Variants in PDCD10 observed in about 807,000 individuals in gnomAD.
The protein encoded by PDCD10 is programmed cell death protein 10.
PDCD10 carries 4 observed loss-of-function variants against 29.2 expected under a neutral mutation model. The ratio of observed to expected loss-of-function variants is 0.14; its 90% CI spans 0.07 to 0.31. PDCD10 has a LOEUF of 0.31. Among genes scored for constraint, PDCD10 ranks in the 10% least tolerant of loss-of-function variants. PDCD10 has a pLI of 1.00. For synonymous variants in PDCD10, 70 were observed against 82.2 expected (o/e 0.85, Z 0.80); for missense variants, 183 against 257.9 (o/e 0.71, Z 1.99).
chr3:167,728,934 T>C (rs975933802), intron 2 of PDCD10, among the ~76,000 whole-genome samples: 6 of 152,176 alleles, frequency 3.9e-5, no homozygotes, highest in African/African-American at 1.4e-4. Context: ...ACTCCTACCC[T>C]ATGCAAGTTC....
chr3:167,690,624 GCACA>G (rs1720124546), intron 6 of PDCD10, among the ~76,000 whole-genome samples: 1 of 152,076 alleles, frequency 6.6e-6, no homozygotes, highest in African/African-American at 2.4e-5. Flanking sequence ...ATGTACTCAG[GCACA>G]CACATTCATT....
intron 4 of PDCD10, 114 bp downstream of exon 4, chr3:167,704,728 T>G (rs1306342868): frequency 2.7e-6 from 2 of 740,514 alleles, no homozygotes; most frequent in Non-Finnish European, 4.9e-6. Flanking sequence ...AAAACAGGCA[T>G]AAGATGGCTA....
At chr3:167,687,529 A>C (rs1027643458) in intron 7 of PDCD10, 86 bp downstream of exon 7, 4 of 846,984 alleles carry the variant, frequency 4.7e-6, no homozygotes, top group Non-Finnish European at 8.1e-6. Context: ...TATTTCCAAC[A>C]ATCAATCTTA....
chr3:167,718,455 CCAGACCTAAAAAGTGTCTCCAA>C (rs1387273139), intron 3 of PDCD10, among the ~76,000 whole-genome samples: 1 of 152,024 alleles, frequency 6.6e-6, no homozygotes, highest in Non-Finnish European at 1.5e-5. Flanking sequence ...AGGGACATAA[CCAGACCTAAAAAGTGTCTCCAA>C]TGCTACCATG....
chr3:167,716,796 G>A (rs1216203773), intron 3 of PDCD10, among the ~76,000 whole-genome samples: 1 of 151,688 alleles, frequency 6.6e-6, no homozygotes, highest in Non-Finnish European at 1.5e-5. Context: ...ATAAACCTTT[G>A]GTGACCTAAA....
chr3:167,693,510 CA>C, intron 6 of PDCD10, among the ~76,000 whole-genome samples: 1 of 152,174 alleles, frequency 6.6e-6, no homozygotes, highest in Non-Finnish European at 1.5e-5. Flanking sequence ...TTTCACAGCA[CA>C]TTAACAAAGT....
intron 4 of PDCD10, chr3:167,697,760 T>G (rs1233326039): frequency 3.7e-6 from 1 of 273,274 alleles, no homozygotes; most frequent in African/African-American, 2.3e-5. Flanking sequence ...CTTGTTTCAT[T>G]GAGTTTGCAT....
At chr3:167,707,885 A>G (rs1383905516) in intron 3 of PDCD10, among the ~76,000 whole-genome samples, 2 of 152,146 alleles carry the variant, frequency 1.3e-5, no homozygotes, top group African/African-American at 4.8e-5. Context: ...GTAAAAGAGT[A>G]AGAGAAAATA....
chr3:167,695,872 G>T, intron 5 of PDCD10, 150 bp from the exon 6 acceptor site: 1 of 746,790 alleles, frequency 1.3e-6, no homozygotes. Flanking sequence ...GAATTCATTA[G>T]CGTTTGACTT....
At chr3:167,705,078 T>C (rs550062602) in intron 3 of PDCD10, among the ~76,000 whole-genome samples, 183 bp from the exon 4 acceptor site, 1 of 152,258 alleles carries the variant, frequency 6.6e-6, no homozygotes, top group African/African-American at 2.4e-5. Flanking sequence ...AAAATATATG[T>C]CCTTAATTTT....
chr3:167,693,834 T>C (rs1394867985), intron 6 of PDCD10, among the ~76,000 whole-genome samples: 4 of 151,498 alleles, frequency 2.6e-5, no homozygotes, highest in Non-Finnish European at 5.9e-5. Flanking sequence ...TGTACACCAG[T>C]AGTCCTAGCT....
intron 6 of PDCD10, among the ~76,000 whole-genome samples, chr3:167,694,916 G>A (rs1229817775): frequency 6.6e-6 from 1 of 152,226 alleles, no homozygotes; most frequent in Non-Finnish European, 1.5e-5. Flanking sequence ...GACACTGCAA[G>A]TATTCCCAGC....
rs886058160 is a variant in PDCD10, at chr3:167,684,167, G to A, written c.*141C>T. 1.3e-5 allele frequency: 8 copies of A among 634,640 alleles called. No homozygotes were observed. The highest frequency in any genetic ancestry group is 2.0e-5 in the Non-Finnish European group (7 of 343,954). 39.3% of individuals were successfully genotyped at this position (634,640 alleles called of 1,614,324 possible). A position where few individuals can be genotyped will look rare whatever the true frequency, so the allele number is the denominator to read the frequency against. ...TACATTTTACAAAAATATGGTGTAA[G>A]ATGGCAATAATCCCATTCAACATCC... On this transcript the variant is annotated 3_prime_UTR_variant, in exon 9 of 9. Transcript: ENST00000392750.
chr3:167,696,746 AG>A (rs551181040), intron 5 of PDCD10, among the ~76,000 whole-genome samples: 51 of 152,260 alleles, frequency 3.3e-4, no homozygotes, highest in African/African-American at 1.2e-3. Context: ...CCAAACATAA[AG>A]GGGGGAAAAA....
intron 3 of PDCD10, among the ~76,000 whole-genome samples, chr3:167,718,362 A>T (rs1723220520): frequency 6.6e-6 from 1 of 152,072 alleles, no homozygotes; most frequent in South Asian, 2.1e-4. Flanking sequence ...CTTGCTTCTA[A>T]CAGTAGCTCC....
At chr3:167,716,510 T>C (rs1723034877) in intron 3 of PDCD10, among the ~76,000 whole-genome samples, 1 of 151,862 alleles carries the variant, frequency 6.6e-6, no homozygotes, top group African/African-American at 2.4e-5. Context: ...TTTCAAAGTA[T>C]CTCACGTACT....
rs114338764 is a variant in PDCD10 at position 167,723,819 on chromosome 3, T to C, written c.-116-3546A>G. ...ACACACTTTTCTTCAAAAACACCCATTGTGATATTGGGATATCAACACAGA... is the reference window on the plus strand; with the variant it reads ...ACACACTTTTCTTCAAAAACACCCACTGTGATATTGGGATATCAACACAGA... On this transcript the variant is annotated intron_variant, in intron 2 of 8. Transcript: ENST00000392750. Among the ~76,000 whole-genome samples the C allele has an allele frequency of 2.6e-3, 391 of 152,334 alleles. 3 individuals are homozygous for C. Among genetic ancestry groups the C allele is most frequent in the African/African-American group, 9.0e-3 (374 of 41,578 alleles).
chr3:167,684,190 T>C lies in PDCD10; in HGVS notation c.*118A>G. ...AAGATGGCAATAATCCCATTCAACA[T>C]CCTGGATTAGATCCCTTCAGGAGGG... On this transcript the variant is annotated 3_prime_UTR_variant, in exon 9 of 9. Coordinates refer to ENST00000392750, the MANE Select transcript of PDCD10 (RefSeq NM_007217.4). 2.9e-6 allele frequency: 2 copies of C among 686,932 alleles called. No individual in the cohort carries two copies. The highest frequency in any genetic ancestry group is 5.4e-6 in the Non-Finnish European group (2 of 370,452). 42.6% of individuals were successfully genotyped at this position (686,932 alleles called of 1,614,324 possible).
chr3:167,719,579 T>G (rs1316029112), intron 3 of PDCD10, among the ~76,000 whole-genome samples: 1 of 152,144 alleles, frequency 6.6e-6, no homozygotes, highest in Admixed American at 6.6e-5. Flanking sequence ...GTTTAAAAAG[T>G]TTTGTCACCA....
Sources: gnomAD v4.1 joint callset for allele counts (sites outside exome capture counted in the v4.1 genomes callset) on GRCh38, gnomAD v4.1.1 for gene constraint, MANE v1.5 for transcripts, NCBI Gene and HGNC (gene_info 2026-07-23, HGNC 2026-07-21) for gene names.